Variants in ZCWPW2 observed in about 807,000 individuals in gnomAD.
ZCWPW2 encodes the protein zinc finger CW-type and PWWP domain containing 2.
In ZCWPW2, 45 loss-of-function variants were observed where a neutral mutation model predicts 46.6. That is an observed-to-expected ratio of 0.96 (90% confidence interval 0.76 to 1.24). The LOEUF (loss-of-function observed/expected upper bound fraction) is 1.24, where lower values mean the gene tolerates loss of function less well. Among genes scored for constraint, ZCWPW2 ranks in the 50% most tolerant of loss-of-function variants. ZCWPW2 has a pLI of 0.00. For synonymous variants in ZCWPW2, 152 were observed against 137.1 expected (o/e 1.11, Z -0.76); for missense variants, 429 against 403.9 (o/e 1.06, Z -0.53).
chr3:28,385,721 C>A (rs540598869), intron 1 of ZCWPW2, among the ~76,000 whole-genome samples: 1 of 152,138 alleles, frequency 6.6e-6, no homozygotes, highest in Admixed American at 6.6e-5. Flanking sequence ...GACATCATAT[C>A]TTTGGGAGGC....
At chr3:28,412,400 T>C (rs1351468716) in intron 2 of ZCWPW2, among the ~76,000 whole-genome samples, 1 of 152,020 alleles carries the variant, frequency 6.6e-6, no homozygotes, top group Admixed American at 6.6e-5. Flanking sequence ...TGCATTTTTG[T>C]ATGTTGAAAT....
At chr3:28,487,813 AG>A in intron 5 of ZCWPW2, among the ~76,000 whole-genome samples, 1 of 152,208 alleles carries the variant, frequency 6.6e-6, no homozygotes, top group South Asian at 2.1e-4. Context: ...AAACTTCATA[AG>A]GGCTTTCCTC....
intron 1 of ZCWPW2, among the ~76,000 whole-genome samples, chr3:28,362,240 C>T (rs11914462): frequency 0.011 from 1,681 of 151,950 alleles, 27 homozygotes; most frequent in African/African-American, 0.03. Flanking sequence ...ATCCATTGTA[C>T]AACAGTGTGA....
chr3:28,516,255 CAATAAATAAATAAATAAATA>C (rs56931163), intron 8 of ZCWPW2, among the ~76,000 whole-genome samples: 118 of 140,188 alleles, frequency 8.4e-4, no homozygotes, highest in Middle Eastern at 3.5e-3. Flanking sequence ...GATTCCCTCT[CAATAAATAAATAAATAAATA>C]AATAAATAAA....
At chr3:28,496,936 G>T (rs1315711419) in intron 6 of ZCWPW2, among the ~76,000 whole-genome samples, 1 of 150,662 alleles carries the variant, frequency 6.6e-6, no homozygotes, top group Non-Finnish European at 1.5e-5. Context: ...CCTCTTCCTG[G>T]GTTGAAAATC....
intron 1 of ZCWPW2, among the ~76,000 whole-genome samples, chr3:28,381,604 A>G (rs1695108440): frequency 6.6e-6 from 1 of 152,100 alleles, no homozygotes; most frequent in African/African-American, 2.4e-5. Context: ...TGGGTGACAC[A>G]GTGAGACTAT....
At chr3:28,463,076 C>T (rs1234254265) in intron 4 of ZCWPW2, among the ~76,000 whole-genome samples, 1 of 152,150 alleles carries the variant, frequency 6.6e-6, no homozygotes, top group African/African-American at 2.4e-5. Flanking sequence ...TCTCAAACCT[C>T]ACTCTTGCTC....
intron 5 of ZCWPW2, among the ~76,000 whole-genome samples, chr3:28,490,306 T>C (rs1278933731): frequency 1.3e-5 from 2 of 152,188 alleles, no homozygotes; most frequent in South Asian, 2.1e-4. Flanking sequence ...GACCCAGCAA[T>C]CCCATTTTTG....
intron 6 of ZCWPW2, among the ~76,000 whole-genome samples, chr3:28,499,042 T>C (rs931832033): frequency 6.6e-6 from 1 of 152,208 alleles, no homozygotes; most frequent in Non-Finnish European, 1.5e-5. Flanking sequence ...TTATCCATTC[T>C]ATCATTGATG....
chr3:28,432,954 A>G, intron 3 of ZCWPW2, among the ~76,000 whole-genome samples: 1 of 152,186 alleles, frequency 6.6e-6, no homozygotes, highest in Non-Finnish European at 1.5e-5. Flanking sequence ...ATCAGATAAG[A>G]AAGGCCTTTT....
At chr3:28,357,768 A>G (rs1478340516) in intron 1 of ZCWPW2, among the ~76,000 whole-genome samples, 2 of 148,698 alleles carry the variant, frequency 1.3e-5, no homozygotes, top group Non-Finnish European at 3.0e-5. Flanking sequence ...GGCCAATTAT[A>G]TATACATATA....
intron 9 of ZCWPW2, among the ~76,000 whole-genome samples, chr3:28,522,165 A>G (rs539903245): frequency 7.0e-4 from 106 of 152,304 alleles, no homozygotes; most frequent in African/African-American, 2.3e-3. Flanking sequence ...CCTAATGTAA[A>G]TGACAAGTTA....
intron 4 of ZCWPW2, among the ~76,000 whole-genome samples, chr3:28,467,987 A>G (rs1036741315): frequency 3.1e-4 from 47 of 152,312 alleles, no homozygotes; most frequent in African/African-American, 1.1e-3. Flanking sequence ...ATAAAGCAAC[A>G]GGGACTAATC....
At chr3:28,406,922 A>G (rs1268083311) in intron 2 of ZCWPW2, among the ~76,000 whole-genome samples, 1 of 149,672 alleles carries the variant, frequency 6.7e-6, no homozygotes, top group Non-Finnish European at 1.5e-5. Context: ...CCAACTCCTG[A>G]GCTGAAGCAA....
At chr3:28,498,601 A>G (rs1015035221) in intron 6 of ZCWPW2, among the ~76,000 whole-genome samples, 2 of 151,932 alleles carry the variant, frequency 1.3e-5, no homozygotes, top group Non-Finnish European at 2.9e-5. Context: ...TTAAATTCTC[A>G]GACTTACAAT....
intron 5 of ZCWPW2, among the ~76,000 whole-genome samples, chr3:28,489,953 C>G (rs1699750615): frequency 1.3e-5 from 2 of 151,960 alleles, no homozygotes; most frequent in Non-Finnish European, 2.9e-5. Context: ...TGAAAAAGGT[C>G]TGATGTCCAG....
intron 1 of ZCWPW2, among the ~76,000 whole-genome samples, chr3:28,372,125 G>C (rs1705356016): frequency 6.6e-6 from 1 of 151,454 alleles, no homozygotes; most frequent in African/African-American, 2.4e-5. Flanking sequence ...TGGCAGAATG[G>C]TTCCATACTT....
At chr3:28,471,468 G>A (rs982724226) in intron 4 of ZCWPW2, among the ~76,000 whole-genome samples, 4 of 152,096 alleles carry the variant, frequency 2.6e-5, no homozygotes, top group African/African-American at 9.7e-5. Flanking sequence ...ATCAATCAGT[G>A]TGGCATATCA....
At chr3:28,465,235 G>A (rs1310519027) in intron 4 of ZCWPW2, among the ~76,000 whole-genome samples, 1 of 152,012 alleles carries the variant, frequency 6.6e-6, no homozygotes, top group Non-Finnish European at 1.5e-5. Flanking sequence ...TAACCATAAT[G>A]GTATTACTGT....
Sources: gnomAD v4.1 joint callset for allele counts (sites outside exome capture counted in the v4.1 genomes callset) on GRCh38, gnomAD v4.1.1 for gene constraint, MANE v1.5 for transcripts, NCBI Gene and HGNC (gene_info 2026-07-23, HGNC 2026-07-21) for gene names.